Variants in FAM240A observed in about 807,000 individuals in gnomAD.
FAM240A encodes protein FAM240A.
In FAM240A, 8 loss-of-function variants were observed where a neutral mutation model predicts 7.3. The observed-to-expected ratio is 1.09, with a 90% CI of 0.64 to 1.97. The LOEUF (loss-of-function observed/expected upper bound fraction) is 1.97. FAM240A is among the 30% of genes most tolerant of loss of function. FAM240A has a pLI of 0.00. For synonymous variants in FAM240A, 32 were observed against 35.9 expected, an observed-to-expected ratio of 0.89 and a Z score of 0.38; for missense variants, 90 against 102.2, an observed-to-expected ratio of 0.88 and a Z score of 0.52.
chr3:46,625,209 T>A lies in FAM240A; in HGVS notation c.243T>A (p.Asn81Lys). 1 of 1,531,822 alleles carries A rather than the reference T, an allele frequency of 6.5e-7. No individual in the cohort carries two copies. Among genetic ancestry groups the A allele is most frequent in the Non-Finnish European group, 8.7e-7 (1 of 1,144,352 alleles). The allele number at this position is 1,531,822 out of a possible 1,614,324, so 94.9% of individuals were successfully genotyped here. ...NNPEDTEKRT[N>K]VG ...CAGAGGACACTGAAAAGAGGACAAATGTTGGCTGAGAGCTTCCTGCTTCAT... is the reference window on the plus strand; with the variant it reads ...CAGAGGACACTGAAAAGAGGACAAAAGTTGGCTGAGAGCTTCCTGCTTCAT... The change falls in exon 3 of 3, where the codon AAT becomes AAA. Residue 81 changes from asparagine (N) to lysine (K), a missense_variant. By Grantham distance (94) the Asn-to-Lys change is moderately conservative. Transcript: ENST00000640551.
At chr3:46,620,444 A>C (rs1349314762) in intron 2 of FAM240A, among the ~76,000 whole-genome samples, 1 of 150,990 alleles carries the variant, frequency 6.6e-6, no homozygotes, top group Admixed American at 6.6e-5. Context: ...AAGGTGATCT[A>C]TAACCAGACA....
chr3:46,617,122 G>C (rs1697638407), intron 1 of FAM240A, 61 bp from the exon 2 acceptor site: 1 of 1,085,880 alleles, frequency 9.2e-7, no homozygotes, highest in South Asian at 1.6e-5. Flanking sequence ...CTGATGATGA[G>C]TGATGTTGAG....
At chr3:46,618,558 C>T (rs1010867114) in intron 2 of FAM240A, among the ~76,000 whole-genome samples, 2 of 152,068 alleles carry the variant, frequency 1.3e-5, no homozygotes, top group African/African-American at 2.4e-5. Flanking sequence ...TATATACATG[C>T]GGCCGGGTGC....
At chr3:46,616,595 C>T (rs1430794025) in intron 1 of FAM240A, among the ~76,000 whole-genome samples, 1 of 151,816 alleles carries the variant, frequency 6.6e-6, no homozygotes, top group African/African-American at 2.4e-5. Flanking sequence ...GTTTTCCATT[C>T]CAGAGTTACT....
chr3:46,622,398 G>C (rs113776280), intron 2 of FAM240A, among the ~76,000 whole-genome samples: 1 of 151,950 alleles, frequency 6.6e-6, no homozygotes, highest in Non-Finnish European at 1.5e-5. Flanking sequence ...GAGCCACCGC[G>C]CCCGGCTGAG....
At chr3:46,620,480 C>T (rs1316476842) in intron 2 of FAM240A, among the ~76,000 whole-genome samples, 1 of 141,044 alleles carries the variant, frequency 7.1e-6, no homozygotes, top group Non-Finnish European at 1.6e-5. Context: ...CATTATATCA[C>T]CCGTACTGTA....
At chr3:46,618,015 C>T (rs1314346680) in intron 2 of FAM240A, among the ~76,000 whole-genome samples, 1 of 152,236 alleles carries the variant, frequency 6.6e-6, no homozygotes, top group Non-Finnish European at 1.5e-5. Context: ...GGAGGGACCG[C>T]CCTTTTGAGC....
At chr3:46,624,264 ATTTTTTTT>A (rs59290700) in intron 2 of FAM240A, among the ~76,000 whole-genome samples, 4 of 96,482 alleles carry the variant, frequency 4.1e-5, no homozygotes, top group Non-Finnish European at 5.8e-5. Context: ...ACGGTGGGCT[ATTTTTTTT>A]TTTTTTTTTT....
intron 2 of FAM240A, among the ~76,000 whole-genome samples, chr3:46,619,299 C>T (rs541256428): frequency 1.5e-4 from 23 of 152,298 alleles, no homozygotes; most frequent in African/African-American, 4.8e-4. Context: ...CCTGGGCTCA[C>T]CCTTTTGGGT....
intron 1 of FAM240A, among the ~76,000 whole-genome samples, chr3:46,614,910 G>A (rs1423868315): frequency 6.6e-6 from 1 of 152,174 alleles, no homozygotes; most frequent in East Asian, 1.9e-4. Context: ...CCCTATGCCA[G>A]ACTAATGAAT....
intron 1 of FAM240A, among the ~76,000 whole-genome samples, chr3:46,613,229 C>T (rs1043036538): frequency 6.6e-6 from 1 of 152,212 alleles, no homozygotes; most frequent in Non-Finnish European, 1.5e-5. Flanking sequence ...CACAGTGGCT[C>T]ACACCTGTAA....
At chr3:46,620,195 G>C (rs1037510386) in intron 2 of FAM240A, among the ~76,000 whole-genome samples, 1 of 151,460 alleles carries the variant, frequency 6.6e-6, no homozygotes, top group Non-Finnish European at 1.5e-5. Flanking sequence ...CAGGAGATGA[G>C]AGGACTGGAG....
chr3:46,620,426 C>G (rs1051422661), intron 2 of FAM240A, among the ~76,000 whole-genome samples: 2 of 147,750 alleles, frequency 1.4e-5, no homozygotes, highest in African/African-American at 5.0e-5. Context: ...TATCTGCTAA[C>G]ATCAAAAAAG....
At chr3:46,619,906 G>T (rs1026974842) in intron 2 of FAM240A, among the ~76,000 whole-genome samples, 1 of 152,256 alleles carries the variant, frequency 6.6e-6, no homozygotes, top group African/African-American at 2.4e-5. Flanking sequence ...TATATTGCTC[G>T]TGTATTCTCC....
At chr3:46,615,383 A>G (rs1697616310) in intron 1 of FAM240A, among the ~76,000 whole-genome samples, 1 of 151,864 alleles carries the variant, frequency 6.6e-6, no homozygotes, top group South Asian at 2.1e-4. Flanking sequence ...GGCAGTACCC[A>G]CTGACACCCC....
intron 1 of FAM240A, among the ~76,000 whole-genome samples, chr3:46,616,684 T>G (rs1023960842): frequency 6.6e-5 from 9 of 137,266 alleles, no homozygotes; most frequent in Non-Finnish European, 1.2e-4. Flanking sequence ...CTGAGTAGTA[T>G]TCCATTACAC....
At chr3:46,618,984 G>A (rs565824467) in intron 2 of FAM240A, among the ~76,000 whole-genome samples, 2 of 152,034 alleles carry the variant, frequency 1.3e-5, no homozygotes, top group South Asian at 4.2e-4. Flanking sequence ...GGTTGATAGG[G>A]TGGCAGAAGA....
chr3:46,620,382 C>CT (rs1164533404), intron 2 of FAM240A, among the ~76,000 whole-genome samples: 1 of 65,434 alleles, frequency 1.5e-5, no homozygotes, highest in Non-Finnish European at 3.6e-5. Context: ...TTGGCAACAC[C>CT]TAATGAAAGT....
chr3:46,612,750 T>C, intron 1 of FAM240A, 52 bp downstream of exon 1: 1 of 1,413,050 alleles, frequency 7.1e-7, no homozygotes, highest in Non-Finnish European at 9.7e-7. Context: ...CTAATGGTTA[T>C]GGAGGTTATG....
Sources: allele counts gnomAD v4.1 joint callset (sites outside exome capture counted in the v4.1 genomes callset), GRCh38; gene constraint gnomAD v4.1.1; transcripts MANE v1.5; gene names NCBI Gene and HGNC (gene_info 2026-07-23, HGNC 2026-07-21).